RASSF8: variants seen among roughly 807,000 people sequenced by gnomAD.
RASSF8 encodes the protein Ras association domain family member 8.
A neutral mutation model predicts 48.5 loss-of-function variants in RASSF8; 22 were observed. The ratio of observed to expected loss-of-function variants is 0.45; its 90% confidence interval spans 0.32 to 0.65. The LOEUF (loss-of-function observed/expected upper bound fraction) is 0.65. Ranked by LOEUF, RASSF8 falls within the 30% of genes least tolerant of loss-of-function variation. RASSF8 has a pLI of 0.03. For missense variants in RASSF8, 418 were observed against 489.2 expected (o/e 0.85, Z 1.37); for synonymous variants, 127 against 171.5 (o/e 0.74, Z 2.03).
chr12:26,054,259 T>C (rs979314986), intron 2 of RASSF8, among the ~76,000 whole-genome samples: 1 of 152,118 alleles, frequency 6.6e-6, no homozygotes, highest in Admixed American at 6.6e-5. Context: ...GGAAAAAGAA[T>C]TGTGATCATT....
In RASSF8 at chr12:25,963,757, G is replaced by A. The variant is rs1245969018; in HGVS notation, c.-203+4609G>A. Among the ~76,000 whole-genome samples, 4 of 152,328 alleles carry A rather than the reference G, an allele frequency of 2.6e-5. No homozygotes were observed. In the East Asian group the frequency reaches 7.7e-4, roughly 29 times the overall value. On this transcript the variant is annotated intron_variant, in intron 1 of 5. Coordinates refer to ENST00000689635, the MANE Select transcript of RASSF8 (RefSeq NM_001394098.1). Reference sequence around the variant, plus strand: ...GGGTGCTCTTGGGTTGGGAGAGCAAGGAGGATGAAAGCAGCATTTTTGAGC... The same window carrying A: ...GGGTGCTCTTGGGTTGGGAGAGCAAAGAGGATGAAAGCAGCATTTTTGAGC...
chr12:26,002,369 G>A (rs541365434), intron 2 of RASSF8, among the ~76,000 whole-genome samples: 121 of 152,140 alleles, frequency 8.0e-4, no homozygotes, highest in Middle Eastern at 3.4e-3. Context: ...GAGGGTGGAG[G>A]GTGCAGTGAG....
chr12:25,979,060 C>G (rs1941677207), intron 1 of RASSF8, among the ~76,000 whole-genome samples: 1 of 152,038 alleles, frequency 6.6e-6, no homozygotes, highest in Non-Finnish European at 1.5e-5. Context: ...ACCTAGAAGG[C>G]AGTAAGAAAT....
At chr12:26,022,560 C>G (rs1001682762) in intron 2 of RASSF8, among the ~76,000 whole-genome samples, 1 of 152,010 alleles carries the variant, frequency 6.6e-6, no homozygotes, top group African/African-American at 2.4e-5. Flanking sequence ...ACTTAAAGGT[C>G]AGAGGAAACC....
At chr12:25,966,568 G>GT (rs1941366156) in intron 1 of RASSF8, among the ~76,000 whole-genome samples, 2 of 152,106 alleles carry the variant, frequency 1.3e-5, no homozygotes, top group Non-Finnish European at 2.9e-5. Context: ...CTTTTCATGT[G>GT]TTTTTTATGC....
intron 1 of RASSF8, among the ~76,000 whole-genome samples, chr12:25,987,481 A>G (rs1426920946): frequency 6.6e-6 from 1 of 152,228 alleles, no homozygotes; most frequent in Non-Finnish European, 1.5e-5. Context: ...GCAGGAAATG[A>G]TAAGGTTTCA....
chr12:25,980,084 C>T (rs2634178), intron 1 of RASSF8, among the ~76,000 whole-genome samples: 2,786 of 152,252 alleles, frequency 0.018, 99 homozygotes, highest in African/African-American at 0.064. Context: ...GGACTACTTC[C>T]TTCTGCTTTC....
intron 3 of RASSF8, among the ~76,000 whole-genome samples, chr12:26,059,762 T>C (rs1002010522): frequency 8.5e-5 from 13 of 152,288 alleles, no homozygotes; most frequent in Admixed American, 2.0e-4. Context: ...ATTCATAGCA[T>C]GCATCAGTCA....
rs79938067 is a variant in RASSF8 at position 25,984,961 on chromosome 12, C to G, written c.-202-10076C>G. On this transcript the variant is annotated intron_variant, in intron 1 of 5. Coordinates refer to ENST00000689635, the MANE Select transcript of RASSF8 (RefSeq NM_001394098.1). ...AGTTTTGGGTGCCAAATTTTATGGA[C>G]ATTAACAAACTGAAATGTGTCCAGA... Among the ~76,000 whole-genome samples the G allele has an allele frequency of 3.8e-3, 571 of 152,246 alleles. 4 individuals are homozygous for G. Among genetic ancestry groups the G allele is most frequent in the Non-Finnish European group, 6.9e-3 (472 of 68,010 alleles).
At chr12:25,983,458 G>A (rs1358597464) in intron 1 of RASSF8, among the ~76,000 whole-genome samples, 1 of 152,184 alleles carries the variant, frequency 6.6e-6, no homozygotes, top group Non-Finnish European at 1.5e-5. Context: ...TTAAGCCAAA[G>A]TATCTAGAAA....
intron 2 of RASSF8, among the ~76,000 whole-genome samples, chr12:26,022,148 G>A (rs764937268): frequency 2.6e-5 from 4 of 152,170 alleles, no homozygotes; most frequent in Non-Finnish European, 5.9e-5. Context: ...AGAGCAATCA[G>A]CTGGGAATTG....
chr12:25,971,269 G>T (rs1941477642), intron 1 of RASSF8, among the ~76,000 whole-genome samples: 1 of 152,172 alleles, frequency 6.6e-6, no homozygotes, highest in Admixed American at 6.5e-5. Flanking sequence ...GAAACACATG[G>T]CTTCTTAATG....
chr12:26,008,531 T>C (rs754717715), intron 2 of RASSF8, among the ~76,000 whole-genome samples: 1 of 152,248 alleles, frequency 6.6e-6, no homozygotes, highest in Non-Finnish European at 1.5e-5. Context: ...CAGGCTGATA[T>C]TGTCATTTGT....
At chr12:26,054,434 T>G (rs901631164) in intron 2 of RASSF8, among the ~76,000 whole-genome samples, 1 of 152,246 alleles carries the variant, frequency 6.6e-6, no homozygotes, top group African/African-American at 2.4e-5. Flanking sequence ...TTATATTTTT[T>G]GAATAACTCT....
rs1452860601 is a variant in RASSF8, at chr12:26,072,353, C to T, written c.*3535C>T. On this transcript the variant is annotated 3_prime_UTR_variant, in exon 6 of 6. Transcript: ENST00000689635. ...AATCACTATTTATTCAGTATTGCTG[C>T]TTTACATCTCCAGAATAAGCTTTCG... 4.1e-6 allele frequency: 4 copies of T among 985,210 alleles called. No individual in the cohort carries two copies. In the African/African-American group the frequency reaches 7.0e-5, roughly 17 times the overall value. The allele number at this position is 985,210 out of a possible 1,614,324, so 61.0% of individuals were successfully genotyped here.
chr12:25,995,872 C>T (rs569866624), intron 2 of RASSF8, among the ~76,000 whole-genome samples: 1 of 150,518 alleles, frequency 6.6e-6, no homozygotes, highest in South Asian at 2.1e-4. Context: ...GGGCACCAGC[C>T]AGCGTGCTGT....
intron 2 of RASSF8, among the ~76,000 whole-genome samples, chr12:26,034,109 G>A (rs1399925640): frequency 1.3e-5 from 2 of 152,054 alleles, no homozygotes; most frequent in African/African-American, 4.8e-5. Flanking sequence ...GCAGGGAGAT[G>A]TGGCTGCCTC....
At chr12:26,049,494 T>C (rs16929965) in intron 2 of RASSF8, among the ~76,000 whole-genome samples, 11,435 of 152,296 alleles carry the variant, frequency 0.075, 462 homozygotes, top group East Asian at 0.12. Flanking sequence ...AGTGCCATCC[T>C]TCAGTTATTC....
chr12:26,075,481 A>C (rs975131283), downstream of RASSF8, among the ~76,000 whole-genome samples: 1 of 152,204 alleles, frequency 6.6e-6, no homozygotes, highest in Non-Finnish European at 1.5e-5. Context: ...TTAGCCATCC[A>C]CAAGTCTCAT....
Sources: allele counts gnomAD v4.1 joint callset (sites outside exome capture counted in the v4.1 genomes callset), GRCh38; gene constraint gnomAD v4.1.1; transcripts MANE v1.5; gene names NCBI Gene and HGNC (gene_info 2026-07-23, HGNC 2026-07-21).